The following CDH12 variants were observed in gnomAD, a reference collection of about 807,000 sequenced individuals.
CDH12 encodes the protein cadherin 12.
Under a neutral mutation model 74.1 loss-of-function variants are expected in CDH12, and 41 were observed. The ratio of observed to expected loss-of-function variants is 0.55; its 90% CI spans 0.43 to 0.72. CDH12 has a LOEUF of 0.72. CDH12 is among the 30% of genes least tolerant of loss of function. The probability of loss-of-function intolerance (pLI) is 0.00; values close to 1 mark genes in which losing one functional copy is unlikely to be tolerated. For missense variants in CDH12, 945 were observed against 977.2 expected (o/e 0.97, Z 0.44); for synonymous variants, 399 against 355.0 (o/e 1.12, Z -1.39).
chr5:21,760,577 A>C lies in CDH12; in HGVS notation c.1614T>G (p.Phe538Leu). ...LSPEAAIKPN[F>L]TVRDFRNNTA... ...ACTTACTTCTGAAGTCACGAACTGTAAAATTTGGTTTGATAGCAGCCTCAG... is the reference window on the plus strand; with the variant it reads ...ACTTACTTCTGAAGTCACGAACTGTCAAATTTGGTTTGATAGCAGCCTCAG... The change falls in exon 13 of 15, where the codon TTT (phenylalanine) becomes TTG (leucine). Residue 538 changes from phenylalanine to leucine, a missense_variant. This residue lies in a region of CDH12 where 791 missense variants were observed against 792.8 expected (regional missense o/e 1.00). Coordinates refer to ENST00000382254, the MANE Select transcript of CDH12 (RefSeq NM_004061.5). 1 of 1,592,720 alleles carries C rather than the reference A, an allele frequency of 6.3e-7. No individual in the cohort carries two copies. The highest frequency in any genetic ancestry group is 8.6e-7 in the Non-Finnish European group (1 of 1,161,634).
intron 3 of CDH12, among the ~76,000 whole-genome samples, chr5:22,345,962 T>G (rs1838318): frequency 0.082 from 12,446 of 151,984 alleles, 749 homozygotes; most frequent in African/African-American, 0.17. Context: ...AAAAATTAGC[T>G]GGCTGTGGTG....
rs950719062 is a variant in CDH12, at chr5:22,034,912, C to T, written c.231+43534G>A. Among the ~76,000 whole-genome samples the T allele has an allele frequency of 5.3e-5, 8 of 152,218 alleles. No homozygotes were observed. In the East Asian group the frequency reaches 1.5e-3, roughly 29 times the overall value. ...AACAATACCAGGTACAGTAAGTCATCGGTTAACGCCATTGACAGGTTCTTG... is the reference window on the plus strand; with the variant it reads ...AACAATACCAGGTACAGTAAGTCATTGGTTAACGCCATTGACAGGTTCTTG... On this transcript the variant is annotated intron_variant, in intron 5 of 14. Coordinates refer to ENST00000382254, the MANE Select transcript of CDH12 (RefSeq NM_004061.5).
chr5:22,369,459 T>C (rs993117505), intron 3 of CDH12, among the ~76,000 whole-genome samples: 3 of 152,150 alleles, frequency 2.0e-5, no homozygotes, highest in Admixed American at 6.6e-5. Context: ...GAGACCACCA[T>C]ATTTAATTCC....
chr5:21,800,233 T>C lies in CDH12; in HGVS notation c.1256+1934A>G, dbSNP rs1363743744. Among the ~76,000 whole-genome samples the C allele has an allele frequency of 3.3e-5, 5 of 152,300 alleles. No homozygotes were observed. In the East Asian group the frequency reaches 9.7e-4, roughly 29 times the overall value. On this transcript the variant is annotated intron_variant, in intron 10 of 14. Transcript: ENST00000382254. ...TCACATTTGTTTGGCTTAGATGATA[T>C]TTAGATGACACTTTGGATTTTAATT...
chr5:22,801,688 CTTTG>C (rs1748537263), intron 1 of CDH12, among the ~76,000 whole-genome samples: 1 of 93,756 alleles, frequency 1.1e-5, no homozygotes, highest in African/African-American at 4.1e-5. Context: ...TATATATACA[CTTTG>C]TTTAATAGGG....
At chr5:21,842,124 C>T (rs777162504) in intron 8 of CDH12, 37 bp downstream of exon 8, 2 of 1,520,602 alleles carry the variant, frequency 1.3e-6, no homozygotes, top group South Asian at 1.3e-5. Flanking sequence ...TTTTTTTAAA[C>T]CGCAATAATT....
intron 5 of CDH12, among the ~76,000 whole-genome samples, chr5:22,058,943 C>G (rs544468872): frequency 6.6e-6 from 1 of 152,076 alleles, no homozygotes; most frequent in African/African-American, 2.4e-5. Context: ...TAAAAGAATG[C>G]CTCTTCAATT....
At chr5:22,521,205 A>G (rs1737041607) in intron 1 of CDH12, among the ~76,000 whole-genome samples, 2 of 151,866 alleles carry the variant, frequency 1.3e-5, no homozygotes. Context: ...GGGCAATTGG[A>G]TGGGGTAAGC....
intron 4 of CDH12, among the ~76,000 whole-genome samples, chr5:22,153,889 A>ATATGTATATAT (rs1561168560): frequency 0.17 from 6,845 of 41,286 alleles, 245 homozygotes; most frequent in South Asian, 0.29. Flanking sequence ...TATATATATA[A>ATATGTATATAT]ATATATATAT....
chr5:22,497,814 T>A (rs2126650573), intron 2 of CDH12, among the ~76,000 whole-genome samples: 1 of 151,916 alleles, frequency 6.6e-6, no homozygotes, highest in Non-Finnish European at 1.5e-5. Flanking sequence ...GGATAATTTT[T>A]GTATTTTTAG....
intron 1 of CDH12, among the ~76,000 whole-genome samples, chr5:22,724,577 G>A (rs1744066144): frequency 6.6e-6 from 1 of 151,824 alleles, no homozygotes; most frequent in Non-Finnish European, 1.5e-5. Context: ...TCATTTTTAT[G>A]GCTGAGTAGT....
rs150777646 is a variant in CDH12, at chr5:22,100,652, GACAC to G, written c.-186-21794_-186-21791del. ...TTTATCTACTATATGCCATACATTA[GACAC>G]ACACACACACACACACACACACACA... On this transcript the variant is annotated intron_variant, in intron 4 of 14. Transcript: ENST00000382254. Among the ~76,000 whole-genome samples the G allele has an allele frequency of 8.4e-4, 121 of 144,340 alleles. No individual in the cohort carries two copies. In the East Asian group the frequency reaches 9.3e-3, roughly 11 times the overall value. The allele number at this position is 144,340 out of a possible 152,430, so 94.7% of individuals were successfully genotyped here. A position where few individuals can be genotyped will look rare whatever the true frequency, so the allele number is the denominator to read the frequency against.
At chr5:21,927,834 C>A (rs1419025978) in intron 6 of CDH12, among the ~76,000 whole-genome samples, 1 of 151,786 alleles carries the variant, frequency 6.6e-6, no homozygotes, top group African/African-American at 2.4e-5. Flanking sequence ...CTTTGGGAGG[C>A]CGAGGCAAGC....
At chr5:22,716,099 T>C (rs1434753227) in intron 1 of CDH12, among the ~76,000 whole-genome samples, 1 of 152,160 alleles carries the variant, frequency 6.6e-6, no homozygotes, top group Non-Finnish European at 1.5e-5. Context: ...ATTGTGCCAC[T>C]GCCCTCCAGC....
Position 21,755,748 on chromosome 5 carries a change from G to A in CDH12, c.1728C>T (p.Tyr576=). 2.5e-6 allele frequency: 4 copies of A among 1,614,044 alleles called. No homozygotes were observed. The highest frequency in any genetic ancestry group is 2.5e-6 in the Non-Finnish European group (3 of 1,179,968). Residue 576 remains tyrosine (Y), a synonymous_variant, in exon 14 of 15, where the codon TAC becomes TAT. Transcript: ENST00000382254. ...TTGTGTTTGTGCTGCTCTGGACAGGGTAGCTGCTGTCTTCTATTACAACAG... is the reference window on the plus strand; with the variant it reads ...TTGTGTTTGTGCTGCTCTGGACAGGATAGCTGCTGTCTTCTATTACAACAG... ...FLPVVIEDSS[Y]PVQSSTNTMT...
chr5:22,683,433 A>G (rs1056744365), intron 1 of CDH12, among the ~76,000 whole-genome samples: 1 of 152,182 alleles, frequency 6.6e-6, no homozygotes, highest in Admixed American at 6.6e-5. Context: ...AGTAGGTAAG[A>G]AAGAGTAGCA....
At chr5:22,630,289 G>C (rs1738516580) in intron 1 of CDH12, among the ~76,000 whole-genome samples, 1 of 151,970 alleles carries the variant, frequency 6.6e-6, no homozygotes, top group Admixed American at 6.6e-5. Context: ...AACCAAAAAA[G>C]GGCCCAAATA....
At position 22,290,965 on chromosome 5, in the gene CDH12, G is replaced by A. The variant is rs149285158; in HGVS notation, c.-332-78322C>T. Among the ~76,000 whole-genome samples the A allele has an allele frequency of 9.5e-4, 145 of 152,090 alleles. 1 individual carries two copies. Among genetic ancestry groups the A allele is most frequent in the African/African-American group, 3.3e-3 (139 of 41,504 alleles). ...ATACCAGTTCTTCTCAATCTCTTCC[G>A]AAAAATTGAAGAGGAGAGAACAAAT... is the stretch of plus-strand genomic sequence containing the variant. On this transcript the variant is annotated intron_variant, in intron 3 of 14. Transcript: ENST00000382254.
At chr5:22,707,594 T>G (rs868463805) in intron 1 of CDH12, among the ~76,000 whole-genome samples, 25 of 152,194 alleles carry the variant, frequency 1.6e-4, no homozygotes, top group Middle Eastern at 6.8e-3. Context: ...ATTGAGAGGG[T>G]CCTTAGAAAA....
Sources: gnomAD v4.1 joint callset for allele counts (sites outside exome capture counted in the v4.1 genomes callset) on GRCh38, gnomAD v4.1.1 for gene constraint, gnomAD v4.1.1 regional missense constraint, MANE v1.5 for transcripts, NCBI Gene and HGNC (gene_info 2026-07-23, HGNC 2026-07-21) for gene names.